The following MYO15A variants were observed in gnomAD, a reference collection of about 807,000 sequenced individuals.
The protein encoded by MYO15A is unconventional myosin-XV.
MYO15A carries 308 observed loss-of-function variants against 394.6 expected under a neutral mutation model. The observed-to-expected ratio is 0.78, with a 90% confidence interval of 0.71 to 0.86. MYO15A has a LOEUF of 0.86. Ranked by LOEUF, MYO15A falls within the 40% of genes least tolerant of loss-of-function variation. The probability of loss-of-function intolerance (pLI) is 0.00; values close to 1 mark genes in which losing one functional copy is unlikely to be tolerated. For missense variants in MYO15A, 4,606 were observed against 4,799.1 expected (o/e 0.96, Z 1.19); for synonymous variants, 1,957 against 2,003.8 (o/e 0.98, Z 0.62).
At position 18,155,192 on chromosome 17, in the gene MYO15A, G is replaced by A; in HGVS notation, c.8307G>A (p.Trp2769Ter). 2 of 1,613,976 alleles carry A rather than the reference G, an allele frequency of 1.2e-6. No homozygotes were observed. Among genetic ancestry groups the A allele is most frequent in the Non-Finnish European group, 1.7e-6 (2 of 1,180,012 alleles). ...TGGTCAGCACTGCACGAGACACCTG[G>A]GAGGTCTACTTCTCCCGCATCTTCC... ...RAVVSTARDTWEVYFSRIFPA... is the reference protein window; with the variant it reads ...RAVVSTARDT The change falls in exon 46 of 66, where the codon TGG (tryptophan) becomes TGA (stop). Residue 2769 changes from tryptophan to a stop codon, truncating the protein, a stop_gained. Coordinates refer to ENST00000647165, the MANE Select transcript of MYO15A (RefSeq NM_016239.4). LOFTEE classifies it high-confidence loss of function.
intron 2 of MYO15A, 105 bp from the exon 3 acceptor site, chr17:18,124,378 C>T: frequency 8.3e-7 from 1 of 1,208,110 alleles, no homozygotes; most frequent in Non-Finnish European, 1.2e-6. Context: ...CCTTGGGGTT[C>T]CCTCCCCAAC....
chr17:18,123,970 G>A (rs184025823), intron 2 of MYO15A: 65 of 198,882 alleles, frequency 3.3e-4, no homozygotes, highest in African/African-American at 1.3e-3. Flanking sequence ...TGTGTGCCTG[G>A]GAGTTGTATG....
At position 18,120,844 on chromosome 17, in the gene MYO15A, C is replaced by A; in HGVS notation, c.2044C>A (p.Pro682Thr). 8.4e-7 allele frequency: 1 copy of A among 1,191,844 alleles called. No individual in the cohort carries two copies. The highest frequency in any genetic ancestry group is 2.5e-5 in the South Asian group (1 of 40,660). The allele number at this position is 1,191,844 out of a possible 1,614,324, so 73.8% of individuals were successfully genotyped here. ...GCCCCCGCCCGCGCCGCCGCTCTCC[C>A]CGGCGCTCTCGGGCCTGCCCCGGCC... ...SGPPPAPPLS[P>T]ALSGLPRPAS... Residue 682 changes from proline to threonine, a missense_variant, in exon 2 of 66, where the codon CCG (proline) becomes ACG (threonine). Pro to Thr is a conservative substitution (Grantham distance 38). Around this residue, in one of 2 missense-constraint regions of MYO15A, gnomAD observed 1,830 missense variants for 1,689.7 expected, o/e 1.08. Transcript: ENST00000647165.
Position 18,120,591 on chromosome 17 carries a change from G to T in MYO15A, c.1791G>T (p.Ala597=). The change falls in exon 2 of 66, where the codon GCG becomes GCT. Residue 597 remains alanine (A), a synonymous_variant. Coordinates refer to ENST00000647165, the MANE Select transcript of MYO15A (RefSeq NM_016239.4). ...TCAGGGGCAGCCAGAAGGCCCGGGC[G>T]GGCGGCCCTGCTGTCAGGGAGGCGG... ...ARLRGSQKAR[A]GGPAVREAAY... 1.3e-6 allele frequency: 2 copies of T among 1,597,542 alleles called. No homozygotes were observed. The highest frequency in any genetic ancestry group is 1.1e-5 in the South Asian group (1 of 89,516).
At chr17:18,139,402 C>A in intron 18 of MYO15A, 132 bp from the exon 19 acceptor site, 1 of 1,102,064 alleles carries the variant, frequency 9.1e-7, no homozygotes, top group Non-Finnish European at 1.3e-6. Context: ...GAATGCTCCC[C>A]TCCCCCAGGA....
intron 7 of MYO15A, among the ~76,000 whole-genome samples, chr17:18,130,084 T>G (rs1474533837): frequency 1.3e-5 from 2 of 152,204 alleles, no homozygotes; most frequent in African/African-American, 4.8e-5. Context: ...TTTCACCATG[T>G]TGGTCAGGAT....
intron 5 of MYO15A, 123 bp downstream of exon 5, chr17:18,126,579 A>T: frequency 9.3e-7 from 1 of 1,075,224 alleles, no homozygotes; most frequent in Non-Finnish European, 1.4e-6. Flanking sequence ...CAGCCCACCT[A>T]CTCAATCTGA....
rs2046283286 is a variant in MYO15A at position 18,136,690 on chromosome 17, G to C, written c.4779+4G>C. The C allele has an allele frequency of 2.5e-6, 4 of 1,597,410 alleles. No homozygotes were observed. In the East Asian group the frequency reaches 9.0e-5, roughly 36 times the overall value. The stretch of plus-strand genomic sequence containing the variant: ...CCTGGACATCTATGGTTTCGAGGTG[G>C]GGCCGTGTAGGAGGCTGAGGGGCGG... On this transcript the variant is annotated splice_donor_region_variant and intron_variant, in intron 15 of 65. Coordinates refer to ENST00000647165, the MANE Select transcript of MYO15A (RefSeq NM_016239.4).
rs761450962 is a variant in MYO15A, at chr17:18,133,175, T to TC, written c.4321-46dup. ...CAGGGCAGAGCAGGACCTGGAGGGC[T>TC]CCCCAGCCCCACCCAAGCTCCCTGA... is the stretch of plus-strand genomic sequence containing the variant. On this transcript the variant is annotated intron_variant, in intron 11 of 65. Transcript: ENST00000647165. 16 of 1,600,372 alleles carry TC rather than the reference T, an allele frequency of 1.0e-5. 1 individual carries two copies. The South Asian group carries it at 1.7e-4, about 17-fold the overall frequency.
In MYO15A at chr17:18,167,582, CCCTGCAGGT is replaced by C; in HGVS notation, c.9949-2_9955del. The C allele has an allele frequency of 6.2e-7, 1 of 1,601,600 alleles. No homozygotes were observed. The highest frequency in any genetic ancestry group is 2.2e-5 in the East Asian group (1 of 44,878). ...CCTGGCAGCCCCTCACCCAGGTGCTCCCTGCAGGTCCTGCCTGACTACCTGAAGGGACTC... is the reference window on the plus strand; with the variant it reads ...CCTGGCAGCCCCTCACCCAGGTGCTCCCTGCCTGACTACCTGAAGGGACTC... On this transcript the variant is annotated splice_acceptor_variant and splice_polypyrimidine_tract_variant and coding_sequence_variant and intron_variant, in exon 62 of 66. Transcript: ENST00000647165. LOFTEE classifies it high-confidence loss of function.
At chr17:18,111,341 GAAAAAAAA>G (rs57095827) in intron 1 of MYO15A, among the ~76,000 whole-genome samples, 8 of 118,950 alleles carry the variant, frequency 6.7e-5, no homozygotes, top group African/African-American at 1.2e-4. Flanking sequence ...TCTCAAAAGA[GAAAAAAAA>G]AAAAAAAAAA....
chr17:18,142,198 C>T lies in MYO15A; in HGVS notation c.5769C>T (p.Arg1923=). ...GCTTCTTCATTAAGCGGCGATTCCGCTCTCTGCGCCACAAGATCATCCTGC... is the reference window on the plus strand; with the variant it reads ...GCTTCTTCATTAAGCGGCGATTCCGTTCTCTGCGCCACAAGATCATCCTGC... ...LRGFFIKRRF[R]SLRHKIILLQ... is the part of the protein sequence containing the mutation. The change falls in exon 24 of 66, where the codon CGC becomes CGT. Residue 1923 remains arginine, a synonymous_variant. Transcript: ENST00000647165. 9 of 1,613,710 alleles carry T rather than the reference C, an allele frequency of 5.6e-6. No homozygotes were observed. The highest frequency in any genetic ancestry group is 7.6e-6 in the Non-Finnish European group (9 of 1,180,002).
Position 18,136,566 on chromosome 17 carries a change from C to T in MYO15A, c.4659C>T (p.Asp1553=), listed in dbSNP as rs1016430407. The change falls in exon 15 of 66, where the codon GAC becomes GAT. Residue 1553 remains aspartate (D), a synonymous_variant. Transcript: ENST00000647165. ...LTVESAVDAR[D]AIAKVLYALL... is the part of the protein sequence containing the mutation. The stretch of plus-strand genomic sequence containing the variant: ...ACCAGCACCACCTCTGCTCCAGGGA[C>T]GCCATCGCCAAGGTCTTGTATGCAC... 16 of 1,613,932 alleles carry T rather than the reference C, an allele frequency of 9.9e-6. No individual in the cohort carries two copies. The highest frequency in any genetic ancestry group is 2.7e-5 in the African/African-American group (2 of 74,946).
chr17:18,125,378 G>C (rs954612206), intron 4 of MYO15A, 147 bp downstream of exon 4: 5 of 802,470 alleles, frequency 6.2e-6, no homozygotes, highest in Non-Finnish European at 8.5e-6. Flanking sequence ...AAAATCTGAA[G>C]TCTTAAAACA....
chr17:18,159,409 C>T, intron 54 of MYO15A, 62 bp downstream of exon 54: 1 of 1,581,480 alleles, frequency 6.3e-7, no homozygotes, highest in South Asian at 1.1e-5. Context: ...TGTGTGATCT[C>T]TACTGGTTGC....
In MYO15A at chr17:18,148,787, G is replaced by A. The variant is rs1490226197; in HGVS notation, c.6791G>A (p.Trp2264Ter). 2.5e-6 allele frequency: 4 copies of A among 1,602,944 alleles called. No individual in the cohort carries two copies. Among genetic ancestry groups the A allele is most frequent in the Non-Finnish European group, 3.4e-6 (4 of 1,174,522 alleles). ...GGGCTGGCAGATGGCTGGCGCGGCT[G>A]GACCGTGGCCATGAAGAATGGTGTC... ...HRGLADGWRG[W>*]TVAMKNGVQW... The change falls in exon 33 of 66, where the codon TGG (tryptophan) becomes TAG (stop). Residue 2264 changes from tryptophan (W) to a stop codon, truncating the protein, a stop_gained. Transcript: ENST00000647165. LOFTEE classifies it high-confidence loss of function. This position sits in a 1 kb window ranked among gnomAD's most constrained non-coding sequence, Gnocchi z 4.8.
In MYO15A at chr17:18,148,135, T is replaced by C. The variant is rs777487622; in HGVS notation, c.6616T>C (p.Leu2206=). The change falls in exon 31 of 66, where the codon TTA becomes CTA. Residue 2206 remains leucine, a synonymous_variant. Coordinates refer to ENST00000647165, the MANE Select transcript of MYO15A (RefSeq NM_016239.4). The surrounding 1 kb of genome is among the most constrained non-coding windows in gnomAD (Gnocchi z 4.8). The stretch of plus-strand genomic sequence containing the variant: ...GCAGGGCTCGGGGGCTGCCCGCACC[T>C]TACCCCCGACCCAGCTCGAGTGGAC... ...QQQGSGAART[L]PPTQLEWTAT... The C allele has an allele frequency of 1.2e-6, 2 of 1,613,806 alleles. No individual in the cohort carries two copies. Among genetic ancestry groups the C allele is most frequent in the Admixed American group, 3.3e-5 (2 of 60,030 alleles).
intron 45 of MYO15A, 63 bp from the exon 46 acceptor site, chr17:18,155,047 C>T: frequency 1.3e-6 from 2 of 1,489,050 alleles, no homozygotes; most frequent in South Asian, 2.3e-5. Context: ...TCCCTGACAT[C>T]CCCGAGATGG....
At chr17:18,118,045 T>C (rs1442827583) in intron 1 of MYO15A, among the ~76,000 whole-genome samples, 2 of 151,942 alleles carry the variant, frequency 1.3e-5, no homozygotes, top group African/African-American at 2.4e-5. Flanking sequence ...CATTTCTGCC[T>C]CTCTACCCCT....
Sources: gnomAD v4.1 joint callset for allele counts (sites outside exome capture counted in the v4.1 genomes callset) on GRCh38, gnomAD v4.1.1 for gene constraint, gnomAD v4.1.1 regional missense constraint, Gnocchi (gnomAD v3.1) non-coding constraint, MANE v1.5 for transcripts, NCBI Gene and HGNC (gene_info 2026-07-23, HGNC 2026-07-21) for gene names.